The following C17orf75 variants were observed in gnomAD, a reference collection of about 807,000 sequenced individuals.
C17orf75 encodes the protein protein Njmu-R1.
Under a neutral mutation model 49.6 loss-of-function variants are expected in C17orf75, and 32 were observed. That is an observed-to-expected ratio of 0.65 (90% CI 0.49 to 0.87). The LOEUF (loss-of-function observed/expected upper bound fraction) is 0.87, where lower values mean the gene tolerates loss of function less well. Among genes scored for constraint, C17orf75 ranks in the 40% least tolerant of loss-of-function variants. C17orf75 has a pLI of 0.00. For missense variants in C17orf75, 428 were observed against 473.9 expected (o/e 0.90, Z 0.90); for synonymous variants, 158 against 159.5 (o/e 0.99, Z 0.07).
At chr17:32,341,893 G>C in intron 1 of C17orf75, 107 bp downstream of exon 1, 1 of 1,100,832 alleles carries the variant, frequency 9.1e-7, no homozygotes, top group African/African-American at 1.7e-5. Flanking sequence ...ATGGCTTTTA[G>C]GAGCGGCCGG....
upstream of C17orf75, among the ~76,000 whole-genome samples, chr17:32,345,473 C>T (rs1305588754): frequency 1.3e-5 from 2 of 151,926 alleles, no homozygotes; most frequent in African/African-American, 4.8e-5. Context: ...AAGACTCCAT[C>T]TCAGGGGGGA....
Position 32,338,278 on chromosome 17 carries a change from T to C in C17orf75, c.421A>G (p.Ile141Val), listed in dbSNP as rs1283109991. 1 of 1,612,838 alleles carries C rather than the reference T, an allele frequency of 6.2e-7. No individual in the cohort carries two copies. Among genetic ancestry groups the C allele is most frequent in the African/African-American group, 1.3e-5 (1 of 74,880 alleles). ...NEKLLPETVT[I>V]DSERNPSEYV... is the part of the protein sequence containing the mutation. The stretch of plus-strand genomic sequence containing the variant: ...TCTGAAGGGTTACGTTCAGAGTCTA[T>C]CGTTACTGTTTCAGGAAGCAGTTTT... The change falls in exon 4 of 10, where the codon ATA becomes GTA. Residue 141 changes from isoleucine (I) to valine (V), a missense_variant. Physicochemically the swap from Ile to Val is conservative, Grantham distance 29. Transcript: ENST00000577809.
upstream of C17orf75, chr17:32,342,204 G>T (rs2041389218): frequency 1.4e-6 from 2 of 1,442,370 alleles, no homozygotes; most frequent in Non-Finnish European, 1.8e-6. Flanking sequence ...TGCAGCCGTC[G>T]GTATCAGGGC....
rs1347614506 is a variant in C17orf75 at position 32,329,004 on chromosome 17, A to T, written c.*2759T>A. ...ATGAACTCTGTGGTTTCTTCTCATGACCAAGATATTCAGTTCCATGACACC... is the reference window on the plus strand; with the variant it reads ...ATGAACTCTGTGGTTTCTTCTCATGTCCAAGATATTCAGTTCCATGACACC... On this transcript the variant is annotated 3_prime_UTR_variant, in exon 10 of 10. Coordinates refer to ENST00000577809, the MANE Select transcript of C17orf75 (RefSeq NM_022344.4). 1 of 151,932 alleles carries T rather than the reference A, an allele frequency of 6.6e-6. No homozygotes were observed. The highest frequency in any genetic ancestry group is 1.5e-5 in the Non-Finnish European group (1 of 67,996). The allele number at this position is 151,932 out of a possible 1,614,324, so 9.4% of individuals were successfully genotyped here.
At chr17:32,347,896 G>C (rs1173411939) in intron 1 of C17orf75, among the ~76,000 whole-genome samples, 3 of 152,058 alleles carry the variant, frequency 2.0e-5, no homozygotes, top group African/African-American at 4.8e-5. Context: ...TTTTTTCATA[G>C]AGATGGTCTC....
intron 1 of C17orf75, among the ~76,000 whole-genome samples, chr17:32,348,644 A>G (rs1419023064): frequency 6.6e-6 from 1 of 152,216 alleles, no homozygotes; most frequent in Non-Finnish European, 1.5e-5. Flanking sequence ...AAAGTCAGGC[A>G]GCTAAGCAGT....
Position 32,341,232 on chromosome 17 carries a change from C to T in C17orf75, c.193G>A (p.Ala65Thr), listed in dbSNP as rs1567804692. 6.2e-7 allele frequency: 1 copy of T among 1,613,836 alleles called. No homozygotes were observed. The highest frequency in any genetic ancestry group is 1.3e-5 in the African/African-American group (1 of 74,918). The stretch of plus-strand genomic sequence containing the variant: ...AAATCATCACCAGAGGGAGTTTCTG[C>T]ATTTGTGCCACTTGGGCTTCCGTCC... ...SEDGSPSGTNAETPSGDDFSL... is the reference protein window; with the variant it reads ...SEDGSPSGTNTETPSGDDFSL... Residue 65 changes from alanine (A) to threonine (T), a missense_variant, in exon 2 of 10, where the codon GCA (alanine) becomes ACA (threonine). Coordinates refer to ENST00000577809, the MANE Select transcript of C17orf75 (RefSeq NM_022344.4).
upstream of C17orf75, among the ~76,000 whole-genome samples, chr17:32,345,835 C>T (rs942319946): frequency 2.6e-5 from 4 of 151,908 alleles, no homozygotes; most frequent in Non-Finnish European, 2.9e-5. Context: ...CATGAGCCAC[C>T]GTGCCTGGTC....
chr17:32,343,948 A>G, upstream of C17orf75: 1 of 684,282 alleles, frequency 1.5e-6, no homozygotes, highest in Non-Finnish European at 2.7e-6. Context: ...CAAGGCAGCC[A>G]TCTCCTAGAA....
Position 32,334,766 on chromosome 17 carries a change from G to A in C17orf75, c.734+9C>T, listed in dbSNP as rs1370659704. ...AAAAGCTTTTCTCTTTGAAAAAACT[G>A]TTCTTTACCTGTTAATGTCTCTCTT... On this transcript the variant is annotated intron_variant, in intron 7 of 9. Coordinates refer to ENST00000577809, the MANE Select transcript of C17orf75 (RefSeq NM_022344.4). 4 of 1,593,256 alleles carry A rather than the reference G, an allele frequency of 2.5e-6. No individual in the cohort carries two copies. The African/African-American group carries it at 5.4e-5, about 21-fold the overall frequency.
chr17:32,337,374 G>C (rs1203444691), intron 5 of C17orf75, among the ~76,000 whole-genome samples: 1 of 151,694 alleles, frequency 6.6e-6, no homozygotes, highest in Non-Finnish European at 1.5e-5. Context: ...GAGGCGAGAA[G>C]ACTGCTTGAG....
At position 32,329,298 on chromosome 17, in the gene C17orf75, C is replaced by T. The variant is rs1169765810; in HGVS notation, c.*2465G>A. On this transcript the variant is annotated 3_prime_UTR_variant, in exon 10 of 10. Coordinates refer to ENST00000577809, the MANE Select transcript of C17orf75 (RefSeq NM_022344.4). ...AGCCAGGATGGTCTCGATCTCCTGA[C>T]CTCATGATCTGCCCGCCTAGGCCTC... The T allele has an allele frequency of 6.6e-6, 1 of 152,210 alleles. No homozygotes were observed. Among genetic ancestry groups the T allele is most frequent in the Non-Finnish European group, 1.5e-5 (1 of 68,126 alleles). 9.4% of individuals were successfully genotyped at this position (152,210 alleles called of 1,614,324 possible).
chr17:32,338,715 G>C (rs965739356), intron 3 of C17orf75, among the ~76,000 whole-genome samples: 1 of 152,120 alleles, frequency 6.6e-6, no homozygotes, highest in Non-Finnish European at 1.5e-5. Flanking sequence ...GTGCCTGAAG[G>C]TGGCCTTATC....
rs1241185710 is a variant in C17orf75 at position 32,331,805 on chromosome 17, G to A, written c.1149C>T (p.Val383=). Residue 383 remains valine, a synonymous_variant, in exon 10 of 10, where the codon GTC becomes GTT. Transcript: ENST00000577809. The part of the protein sequence containing the change: ...EMPEAKNVIA[V]LEEFMKEALD... Reference sequence around the variant, plus strand: ...GAGCTTCTTTCATGAATTCTTCAAGGACAGCTATCACATTTTTGGCTTCAG... The same window carrying A: ...GAGCTTCTTTCATGAATTCTTCAAGAACAGCTATCACATTTTTGGCTTCAG... 1 of 1,613,718 alleles carries A rather than the reference G, an allele frequency of 6.2e-7. No individual in the cohort carries two copies. Among genetic ancestry groups the A allele is most frequent in the Admixed American group, 1.7e-5 (1 of 60,000 alleles).
At chr17:32,337,842 C>A in intron 5 of C17orf75, 55 bp downstream of exon 5, 1 of 1,496,016 alleles carries the variant, frequency 6.7e-7, no homozygotes, top group Non-Finnish European at 9.2e-7. Flanking sequence ...CAGGCGTGAG[C>A]CACTGAGCCT....
intron 1 of C17orf75, 55 bp downstream of exon 1, chr17:32,341,945 C>A: frequency 8.9e-7 from 1 of 1,124,090 alleles, no homozygotes; most frequent in Non-Finnish European, 1.1e-6. Flanking sequence ...GGCGGCGGGC[C>A]GGGGGCGGGG....
At chr17:32,335,943 T>G (rs1356998610) in intron 5 of C17orf75, among the ~76,000 whole-genome samples, 1 of 152,188 alleles carries the variant, frequency 6.6e-6, no homozygotes, top group Admixed American at 6.5e-5. Context: ...ATCAAAGCAC[T>G]CCACTCCACT....
At chr17:32,334,867 G>A (rs1259876597) in intron 6 of C17orf75, 28 bp from the exon 7 acceptor site, 1 of 1,567,046 alleles carries the variant, frequency 6.4e-7, no homozygotes, top group Admixed American at 1.8e-5. Context: ...AGCCTGATTG[G>A]TACATATATT....
chr17:32,348,469 A>G (rs146366150), intron 1 of C17orf75, among the ~76,000 whole-genome samples: 40 of 152,340 alleles, frequency 2.6e-4, no homozygotes, highest in African/African-American at 9.4e-4. Flanking sequence ...AGGCTGAGAC[A>G]AATAATGTTA....
Sources: allele counts gnomAD v4.1 joint callset (sites outside exome capture counted in the v4.1 genomes callset), GRCh38; gene constraint gnomAD v4.1.1; transcripts MANE v1.5; gene names NCBI Gene and HGNC (gene_info 2026-07-23, HGNC 2026-07-21).